Variants in CIMIP6 observed in about 807,000 individuals in gnomAD.
CIMIP6 encodes the protein uncharacterized protein C2orf73.
At chr2:54,359,258 T>G in the CIMIP6 span, among the ~76,000 whole-genome samples, 2 of 152,106 alleles carry the variant, frequency 1.3e-5, no homozygotes, top group African/African-American at 4.8e-5. Flanking sequence ...GGTATGGTGG[T>G]GCCACCTGTA....
chr2:54,336,334 A>T, the CIMIP6 span, among the ~76,000 whole-genome samples: 1 of 152,156 alleles, frequency 6.6e-6, no homozygotes, highest in Non-Finnish European at 1.5e-5. Context: ...AAGTCATGTT[A>T]ATGGAATTAC....
the CIMIP6 span, among the ~76,000 whole-genome samples, chr2:54,357,639 C>T: frequency 9.7e-4 from 145 of 150,150 alleles, no homozygotes; most frequent in Non-Finnish European, 1.7e-3. Flanking sequence ...TGCAGTGGCG[C>T]GATTTTGGCT....
chr2:54,346,259 TAGA>T, the CIMIP6 span, among the ~76,000 whole-genome samples: 6 of 152,176 alleles, frequency 3.9e-5, no homozygotes, highest in East Asian at 1.2e-3. Flanking sequence ...GCACAACTGA[TAGA>T]AGATGAGAAG....
At chr2:54,351,828 T>C in the CIMIP6 span, among the ~76,000 whole-genome samples, 1 of 152,132 alleles carries the variant, frequency 6.6e-6, no homozygotes, top group Non-Finnish European at 1.5e-5. Context: ...TCAAACATCT[T>C]TACAAGAAAA....
the CIMIP6 span, among the ~76,000 whole-genome samples, chr2:54,368,149 T>C: frequency 1.3e-5 from 2 of 152,230 alleles, no homozygotes; most frequent in African/African-American, 2.4e-5. Flanking sequence ...TTGGTTCTTC[T>C]GTAAAAACAA....
At chr2:54,335,718 G>A in the CIMIP6 span, among the ~76,000 whole-genome samples, 1 of 152,134 alleles carries the variant, frequency 6.6e-6, no homozygotes, top group Non-Finnish European at 1.5e-5. Context: ...CTTGAAAGCT[G>A]GTTTAAAGCA....
At chr2:54,376,626 G>A in the CIMIP6 span, among the ~76,000 whole-genome samples, 1 of 152,174 alleles carries the variant, frequency 6.6e-6, no homozygotes, top group East Asian at 1.9e-4. Flanking sequence ...CAGTCACCCA[G>A]GATAACGCAC....
At chr2:54,369,160 A>G in the CIMIP6 span, among the ~76,000 whole-genome samples, 3 of 152,164 alleles carry the variant, frequency 2.0e-5, no homozygotes, top group African/African-American at 7.2e-5. Context: ...CTCCTCAGTT[A>G]CCAAAACACT....
At chr2:54,352,561 CA>C in the CIMIP6 span, among the ~76,000 whole-genome samples, 2 of 152,084 alleles carry the variant, frequency 1.3e-5, no homozygotes, top group South Asian at 4.1e-4. Flanking sequence ...ATGGTGAGAA[CA>C]CTTAAAATCT....
chr2:54,381,099 C>G, the CIMIP6 span, among the ~76,000 whole-genome samples: 3 of 152,132 alleles, frequency 2.0e-5, no homozygotes, highest in African/African-American at 7.2e-5. Flanking sequence ...AAAAACATCT[C>G]TCTGCCCAGG....
chr2:54,331,098 C>T, the CIMIP6 span: 1 of 1,170,900 alleles, frequency 8.5e-7, no homozygotes. Flanking sequence ...CCAGGCCAAG[C>T]TCAGACAGCC....
the CIMIP6 span, among the ~76,000 whole-genome samples, chr2:54,364,528 A>G: frequency 6.6e-6 from 1 of 152,200 alleles, no homozygotes; most frequent in African/African-American, 2.4e-5. Flanking sequence ...TAATAATTGC[A>G]TTTCACAGCT....
At chr2:54,366,114 A>G in the CIMIP6 span, among the ~76,000 whole-genome samples, 1 of 152,178 alleles carries the variant, frequency 6.6e-6, no homozygotes, top group Non-Finnish European at 1.5e-5. Flanking sequence ...AATTTGGCTG[A>G]CCAGAATAAA....
At chr2:54,360,205 A>T in the CIMIP6 span, 1 of 1,561,116 alleles carries the variant, frequency 6.4e-7, no homozygotes, top group South Asian at 1.2e-5. Context: ...TTTTCCAGAG[A>T]CACGGAGCTT....
At chr2:54,383,222 C>G in the CIMIP6 span, 1 of 152,220 alleles carries the variant, frequency 6.6e-6, no homozygotes, top group South Asian at 2.1e-4. Context: ...CCATCTCATT[C>G]AAGCCTTCAG....
At chr2:54,377,613 A>G in the CIMIP6 span, among the ~76,000 whole-genome samples, 1 of 152,100 alleles carries the variant, frequency 6.6e-6, no homozygotes, top group African/African-American at 2.4e-5. Flanking sequence ...TACAGACACT[A>G]TTTTTCCCAG....
chr2:54,374,195 T>C, the CIMIP6 span, among the ~76,000 whole-genome samples: 23 of 152,368 alleles, frequency 1.5e-4, no homozygotes, highest in Admixed American at 5.9e-4. Context: ...TAACTGATTT[T>C]CCCATTTTAT....
At chr2:54,378,310 G>A in the CIMIP6 span, among the ~76,000 whole-genome samples, 9 of 152,160 alleles carry the variant, frequency 5.9e-5, no homozygotes, top group Admixed American at 5.2e-4. Context: ...TCTTTCCTGC[G>A]AAAAATCCCA....
the CIMIP6 span, among the ~76,000 whole-genome samples, chr2:54,346,485 C>T: frequency 1.3e-5 from 2 of 152,150 alleles, no homozygotes; most frequent in Non-Finnish European, 2.9e-5. Flanking sequence ...TAGCTAGTCA[C>T]CTTTTCAAAC....
Sources: allele counts gnomAD v4.1 joint callset (sites outside exome capture counted in the v4.1 genomes callset), GRCh38; gene constraint gnomAD v4.1.1; transcripts MANE v1.5; gene names NCBI Gene and HGNC (gene_info 2026-07-23, HGNC 2026-07-21).